The following TFAP2D variants were observed in gnomAD, a reference collection of about 807,000 sequenced individuals.
TFAP2D encodes the protein transcription factor AP-2-delta.
TFAP2D carries 9 observed loss-of-function variants against 43.6 expected under a neutral mutation model. The ratio of observed to expected loss-of-function variants is 0.21; its 90% CI spans 0.12 to 0.36. The LOEUF is 0.36. Among genes scored for constraint, TFAP2D ranks in the 10% least tolerant of loss-of-function variants. The pLI is 1.00. For synonymous variants in TFAP2D, 256 were observed against 224.9 expected (o/e 1.14, Z -1.24); for missense variants, 513 against 561.4 (o/e 0.91, Z 0.87).
intron 3 of TFAP2D, among the ~76,000 whole-genome samples, chr6:50,723,786 C>T (rs1226543014): frequency 6.6e-6 from 1 of 152,066 alleles, no homozygotes; most frequent in African/African-American, 2.4e-5. Flanking sequence ...CAGCAGAAAC[C>T]AAAACACTTT....
At chr6:50,749,787 T>C (rs1769175719) in intron 6 of TFAP2D, among the ~76,000 whole-genome samples, 1 of 151,878 alleles carries the variant, frequency 6.6e-6, no homozygotes, top group Admixed American at 6.6e-5. Context: ...TGAATGAAAG[T>C]AGAAACACAC....
chr6:50,725,387 G>A (rs1428991910), intron 3 of TFAP2D, among the ~76,000 whole-genome samples: 1 of 152,142 alleles, frequency 6.6e-6, no homozygotes, highest in Non-Finnish European at 1.5e-5. Context: ...AAAATAGAGA[G>A]CCCTATCTCC....
intron 7 of TFAP2D, 148 bp downstream of exon 7, chr6:50,751,472 T>C (rs2113886261): frequency 1.8e-6 from 1 of 542,716 alleles, no homozygotes; most frequent in Non-Finnish European, 3.3e-6. Context: ...TACCTTAGAC[T>C]GGGTAATTTA....
At chr6:50,746,791 C>T (rs1246002376) in intron 6 of TFAP2D, among the ~76,000 whole-genome samples, 2 of 151,988 alleles carry the variant, frequency 1.3e-5, no homozygotes, top group Non-Finnish European at 2.9e-5. Flanking sequence ...CACTTGAGTC[C>T]CTTAATTGAA....
At chr6:50,758,671 T>A in intron 7 of TFAP2D, among the ~76,000 whole-genome samples, 1 of 152,054 alleles carries the variant, frequency 6.6e-6, no homozygotes, top group East Asian at 1.9e-4. Flanking sequence ...CCAAGAAGCC[T>A]AAAGTGTGCA....
At chr6:50,734,014 G>GTA (rs1453008800) in intron 5 of TFAP2D, among the ~76,000 whole-genome samples, 1 of 151,142 alleles carries the variant, frequency 6.6e-6, no homozygotes, top group Non-Finnish European at 1.5e-5. Flanking sequence ...GTGTGTGTGT[G>GTA]TGTGTTTAAA....
intron 6 of TFAP2D, among the ~76,000 whole-genome samples, chr6:50,749,550 C>A (rs1442250327): frequency 6.6e-6 from 1 of 151,710 alleles, no homozygotes; most frequent in African/African-American, 2.4e-5. Context: ...TAGCATGAGG[C>A]TAAATTTAAA....
intron 5 of TFAP2D, among the ~76,000 whole-genome samples, chr6:50,743,209 G>A (rs1194896372): frequency 6.6e-6 from 1 of 152,110 alleles, no homozygotes; most frequent in Non-Finnish European, 1.5e-5. Context: ...TGTGAAATAT[G>A]TGTGGAGAGG....
intron 5 of TFAP2D, among the ~76,000 whole-genome samples, chr6:50,734,993 C>T (rs1232221638): frequency 1.3e-5 from 2 of 152,094 alleles, no homozygotes; most frequent in African/African-American, 4.8e-5. Context: ...CACTTCTACA[C>T]TTGCTGTAAG....
intron 2 of TFAP2D, 117 bp from the exon 3 acceptor site, chr6:50,718,973 C>A: frequency 2.0e-6 from 2 of 997,656 alleles, no homozygotes; most frequent in Non-Finnish European, 3.0e-6. Context: ...TCAATGCTTG[C>A]TTTCAAATGT....
intron 2 of TFAP2D, 130 bp downstream of exon 2, chr6:50,715,743 TCTCTCTCACACACACACA>T (rs1424071940): frequency 1.3e-5 from 9 of 675,994 alleles, no homozygotes; most frequent in Admixed American, 3.2e-5. Context: ...TCTCTCTCTC[TCTCTCTCACACACACACA>T]CACACACACA....
Position 50,714,104 on chromosome 6 carries a change from CTTTTTTTTT to C in TFAP2D, c.39+22_39+30del, listed in dbSNP as rs71305731. 4 of 1,398,324 alleles carry C rather than the reference CTTTTTTTTT, an allele frequency of 2.9e-6. No homozygotes were observed. Among genetic ancestry groups the C allele is most frequent in the Middle Eastern group, 4.9e-4 (2 of 4,074 alleles). 86.6% of individuals were successfully genotyped at this position (1,398,324 alleles called of 1,614,324 possible). A position where few individuals can be genotyped will look rare whatever the true frequency, so the allele number is the denominator to read the frequency against. On this transcript the variant is annotated intron_variant, in intron 1 of 7. Transcript: ENST00000008391. ...AGTCCACGATGCCGAGGTATTATTA[CTTTTTTTTT>C]TTTTTTTTTTTGAGCGCGCGTGTGT...
intron 2 of TFAP2D, 140 bp from the exon 3 acceptor site, chr6:50,718,950 A>G: frequency 1.3e-6 from 1 of 759,988 alleles, no homozygotes; most frequent in East Asian, 2.8e-5. Context: ...TTTGCTGGCA[A>G]GCTTGCTTCA....
chr6:50,719,828 T>C (rs562768530), intron 3 of TFAP2D, among the ~76,000 whole-genome samples: 27 of 152,304 alleles, frequency 1.8e-4, no homozygotes, highest in African/African-American at 6.0e-4. Context: ...AATCCAGAGT[T>C]ACCCATGGAA....
chr6:50,735,462 A>G (rs1009414574), intron 5 of TFAP2D, among the ~76,000 whole-genome samples: 1 of 152,264 alleles, frequency 6.6e-6, no homozygotes, highest in African/African-American at 2.4e-5. Flanking sequence ...CCAAGCTTCA[A>G]AAACTTTGTT....
chr6:50,720,939 AC>A (rs1768713564), intron 3 of TFAP2D, among the ~76,000 whole-genome samples: 1 of 152,220 alleles, frequency 6.6e-6, no homozygotes, highest in African/African-American at 2.4e-5. Context: ...AGCGTAAGAT[AC>A]CTGACAGAGG....
intron 7 of TFAP2D, among the ~76,000 whole-genome samples, chr6:50,767,008 T>C (rs1229380568): frequency 6.6e-6 from 1 of 152,208 alleles, no homozygotes; most frequent in Non-Finnish European, 1.5e-5. Context: ...CATAGTTCAC[T>C]GGTACTGCTT....
intron 2 of TFAP2D, among the ~76,000 whole-genome samples, chr6:50,717,664 C>T (rs1314406807): frequency 6.6e-6 from 1 of 152,032 alleles, no homozygotes; most frequent in Non-Finnish European, 1.5e-5. Flanking sequence ...TAGATATATC[C>T]ATGTATGTAT....
chr6:50,772,307 G>C (rs1246146400), intron 7 of TFAP2D, among the ~76,000 whole-genome samples: 3 of 152,124 alleles, frequency 2.0e-5, no homozygotes, highest in Non-Finnish European at 4.4e-5. Context: ...GAGTTAATGG[G>C]TGCAGCACAC....
Sources: gnomAD v4.1 joint callset for allele counts (sites outside exome capture counted in the v4.1 genomes callset) on GRCh38, gnomAD v4.1.1 for gene constraint, MANE v1.5 for transcripts, NCBI Gene and HGNC (gene_info 2026-07-23, HGNC 2026-07-21) for gene names.